ZNF717: variants seen among roughly 807,000 people sequenced by gnomAD.
ZNF717 encodes krueppel-like factor X17.
ZNF717 carries 9 observed loss-of-function variants against 13.8 expected under a neutral mutation model. The ratio of observed to expected loss-of-function variants is 0.65; its 90% CI spans 0.39 to 1.14. The LOEUF is 1.14. ZNF717 is among the 50% of genes most tolerant of loss of function. ZNF717 has a pLI of 0.01. For synonymous variants in ZNF717, 327 were observed against 364.1 expected (o/e 0.90, Z 1.16); for missense variants, 1,040 against 1,080.7 (o/e 0.96, Z 0.53).
At chr3:75,774,633 T>C (rs1434549387) in intron 2 of ZNF717, among the ~76,000 whole-genome samples, 88 of 144,744 alleles carry the variant, frequency 6.1e-4, no homozygotes, top group Non-Finnish European at 1.2e-3. Context: ...TTTTTTTTTT[T>C]TTTCTGAGAC....
At chr3:75,780,765 G>A (rs62269672) in intron 2 of ZNF717, among the ~76,000 whole-genome samples, 23,987 of 151,848 alleles carry the variant, frequency 0.16, 857 homozygotes, top group African/African-American at 0.17. Flanking sequence ...CATGCAATAG[G>A]TCCCAACAGA....
At chr3:75,763,195 A>G (rs1326681630) in intron 2 of ZNF717, among the ~76,000 whole-genome samples, 2 of 152,238 alleles carry the variant, frequency 1.3e-5, no homozygotes, top group African/African-American at 4.8e-5. Context: ...ATCAAACCTA[A>G]AAGTTTCTAT....
chr3:75,724,155 G>A (rs1938227990), intron 4 of ZNF717, among the ~76,000 whole-genome samples: 1 of 152,060 alleles, frequency 6.6e-6, no homozygotes, highest in Non-Finnish European at 1.5e-5. Context: ...ACCTATCATT[G>A]GAGATGGCTC....
chr3:75,704,456 A>T (rs1395735236), intron 6 of ZNF717, among the ~76,000 whole-genome samples: 1 of 151,894 alleles, frequency 6.6e-6, no homozygotes, highest in African/African-American at 2.4e-5. Context: ...GAAGCCATTC[A>T]GGCGGGCAAG....
intron 2 of ZNF717, among the ~76,000 whole-genome samples, chr3:75,745,862 T>C (rs1475114231): frequency 1.3e-5 from 2 of 151,300 alleles, no homozygotes; most frequent in African/African-American, 4.8e-5. Flanking sequence ...ATTTTCCATA[T>C]TGAATTATTT....
chr3:75,768,361 G>T (rs1439427910), intron 2 of ZNF717, among the ~76,000 whole-genome samples: 3 of 27,816 alleles, frequency 1.1e-4, no homozygotes, highest in African/African-American at 3.8e-4. Flanking sequence ...GGCTGAGTGT[G>T]GGGGGGGGGG....
At chr3:75,777,319 G>A (rs1300238400) in intron 2 of ZNF717, among the ~76,000 whole-genome samples, 17 of 151,810 alleles carry the variant, frequency 1.1e-4, no homozygotes, top group African/African-American at 4.1e-4. Context: ...CCAAAACAAT[G>A]GCAGTGACGT....
intron 2 of ZNF717, among the ~76,000 whole-genome samples, chr3:75,776,993 G>A (rs1309665883): frequency 6.6e-6 from 1 of 152,214 alleles, no homozygotes; most frequent in Non-Finnish European, 1.5e-5. Context: ...GGGACCCTGA[G>A]TAAGGAGCAT....
At chr3:75,708,800 A>G (rs77001547), downstream of ZNF717, among the ~76,000 whole-genome samples, 2 of 152,192 alleles carry the variant, frequency 1.3e-5, no homozygotes, top group African/African-American at 2.4e-5. Flanking sequence ...AGGCTGAGTT[A>G]TTTATAAATG....
At chr3:75,746,731 T>C (rs1941220951) in intron 2 of ZNF717, among the ~76,000 whole-genome samples, 1 of 152,154 alleles carries the variant, frequency 6.6e-6, no homozygotes, top group Non-Finnish European at 1.5e-5. Context: ...ATGGGTTTTT[T>C]CTTGTAAATT....
At position 75,715,609 on chromosome 3, in the gene ZNF717, G is replaced by A. The variant is rs1281440618; in HGVS notation, n.667+810C>T. On this transcript the variant is annotated intron_variant and non_coding_transcript_variant, in intron 5 of 5. Coordinates refer to the ZNF717 transcript ENST00000491507. ...TATTTCTTATTTTTTCTTAACACAC[G>A]GTATTTTAGAATTAAATTTATATTT... Among the ~76,000 whole-genome samples the A allele has an allele frequency of 2.5e-4, 38 of 152,014 alleles. 1 individual carries two copies. Among genetic ancestry groups the A allele is most frequent in the African/African-American group, 8.2e-4 (34 of 41,464 alleles).
chr3:75,737,145 C>A lies in ZNF717; in HGVS notation c.2478G>T (p.Lys826Asn). The A allele has an allele frequency of 6.4e-7, 1 of 1,562,806 alleles. No homozygotes were observed. Among genetic ancestry groups the A allele is most frequent in the Non-Finnish European group, 8.7e-7 (1 of 1,153,866 alleles). ...CKECRKTFSQ[K>N]SKLFVHHRTH... ...TTCTGTGATGTACAAAGAGTTTTGA[C>A]TTCTGGGAGAAGGTTTTCCTACATT... The change falls in exon 5 of 5, where the codon AAG (lysine) becomes AAT (asparagine). Residue 826 changes from lysine (K) to asparagine (N), a missense_variant. Transcript: ENST00000652011.
In ZNF717 at chr3:75,737,395, G is replaced by T. The variant is rs1939461968; in HGVS notation, c.2228C>A (p.Ser743Ter). The T allele has an allele frequency of 6.4e-7, 1 of 1,553,240 alleles. No individual in the cohort carries two copies. The highest frequency in any genetic ancestry group is 8.7e-7 in the Non-Finnish European group (1 of 1,147,950). The change falls in exon 5 of 5, where the codon TCA becomes TAA. Residue 743 changes from serine to a stop codon, truncating the protein, a stop_gained. Coordinates refer to ENST00000652011, the MANE Select transcript of ZNF717 (RefSeq NM_001290208.3). LOFTEE classifies it low-confidence loss of function (END_TRUNC). ...VANVEKPCQK[S>*]VLTVHHRTHT... ...GGTTCTATGATGTACAGTGAGGACT[G>T]ACTTCTGACAAGGTTTTTCCACATT...
At chr3:75,744,692 G>A (rs1251514889) in intron 2 of ZNF717, among the ~76,000 whole-genome samples, 4 of 152,218 alleles carry the variant, frequency 2.6e-5, no homozygotes, top group Admixed American at 6.5e-5. Context: ...GTCTCATGGA[G>A]CTTCACCAGG....
intron 2 of ZNF717, among the ~76,000 whole-genome samples, chr3:75,771,709 C>T (rs546714211): frequency 2.0e-3 from 303 of 152,264 alleles, no homozygotes; most frequent in African/African-American, 6.3e-3. Flanking sequence ...GAGCCAGGAA[C>T]GGGTGGGAGC....
chr3:75,750,896 G>T (rs1440720172), intron 2 of ZNF717, among the ~76,000 whole-genome samples: 1 of 150,862 alleles, frequency 6.6e-6, no homozygotes, highest in Non-Finnish European at 1.5e-5. Context: ...CCCTCTCATG[G>T]GATTCCAGAA....
At chr3:75,763,548 A>C (rs553638767) in intron 2 of ZNF717, among the ~76,000 whole-genome samples, 4 of 151,118 alleles carry the variant, frequency 2.6e-5, no homozygotes, top group South Asian at 4.2e-4. Flanking sequence ...AGACTACCAG[A>C]AGCAGAGAGG....
intron 5 of ZNF717, among the ~76,000 whole-genome samples, chr3:75,712,607 T>C (rs1335138885): frequency 6.6e-6 from 1 of 152,210 alleles, no homozygotes; most frequent in Non-Finnish European, 1.5e-5. Flanking sequence ...CACTTTGTCC[T>C]GTACTTTCCC....
chr3:75,731,144 A>G (rs2106907788), downstream of ZNF717, among the ~76,000 whole-genome samples: 1 of 152,216 alleles, frequency 6.6e-6, no homozygotes, highest in African/African-American at 2.4e-5. Flanking sequence ...CGGGAGCTTG[A>G]GGTGGGTGGA....
Sources: gnomAD v4.1 joint callset for allele counts (sites outside exome capture counted in the v4.1 genomes callset) on GRCh38, gnomAD v4.1.1 for gene constraint, MANE v1.5 for transcripts, NCBI Gene and HGNC (gene_info 2026-07-23, HGNC 2026-07-21) for gene names.